UNC13A: variants seen among roughly 807,000 people sequenced by gnomAD.
The protein encoded by UNC13A is protein unc-13 homolog A.
Under a neutral mutation model 219.7 loss-of-function variants are expected in UNC13A, and 61 were observed. That is an observed-to-expected ratio of 0.28 (90% CI 0.23 to 0.34). The LOEUF (loss-of-function observed/expected upper bound fraction) is 0.34, where lower values mean the gene tolerates loss of function less well. Among genes scored for constraint, UNC13A ranks in the 10% least tolerant of loss-of-function variants. The pLI is 1.00. For synonymous variants in UNC13A, 920 were observed against 884.6 expected, an observed-to-expected ratio of 1.04 and a Z score of -0.71; for missense variants, 1,476 against 2,270.3, an observed-to-expected ratio of 0.65 and a Z score of 7.11.
At chr19:17,672,326 G>T in intron 4 of UNC13A, 52 bp downstream of exon 4, 1 of 1,448,946 alleles carries the variant, frequency 6.9e-7, no homozygotes, top group Non-Finnish European at 9.6e-7. Flanking sequence ...CTGGTCTCTG[G>T]GCTTCTGCAA....
chr19:17,627,481 C>A lies in UNC13A; in HGVS notation c.3920+28G>T. On this transcript the variant is annotated intron_variant, in intron 33 of 43. Transcript: ENST00000519716. The surrounding 1 kb of genome is among the most constrained non-coding windows in gnomAD (Gnocchi z 4.7). ...AGGGCTGAAGGCTGTTCCCTCCCCA[C>A]TGCCCCCAGCCCTGGAGATGCTCCC... The A allele has an allele frequency of 1.3e-6, 2 of 1,538,438 alleles. No individual in the cohort carries two copies. Among genetic ancestry groups the A allele is most frequent in the Non-Finnish European group, 1.8e-6 (2 of 1,134,596 alleles).
At chr19:17,680,676 C>T in intron 1 of UNC13A, among the ~76,000 whole-genome samples, 1 of 151,802 alleles carries the variant, frequency 6.6e-6, no homozygotes, top group East Asian at 1.9e-4. Flanking sequence ...CTTTCTCCTC[C>T]TCTTCTTCCC....
At chr19:17,659,033 G>A (rs898080475) in intron 8 of UNC13A, among the ~76,000 whole-genome samples, 1 of 151,280 alleles carries the variant, frequency 6.6e-6, no homozygotes, top group African/African-American at 2.4e-5. Context: ...GGCATAATTG[G>A]GGATTGTACA....
chr19:17,639,567 G>A (rs370588144), intron 23 of UNC13A, 42 bp from the exon 24 acceptor site: 51 of 1,592,304 alleles, frequency 3.2e-5, no homozygotes, highest in South Asian at 4.5e-5. Flanking sequence ...GGAAGAAGGC[G>A]TGGGGAGGAT....
chr19:17,687,743 C>A (rs1053208253), intron 1 of UNC13A, among the ~76,000 whole-genome samples: 1 of 152,104 alleles, frequency 6.6e-6, no homozygotes, highest in African/African-American at 2.4e-5. Context: ...CAGCCGGGTC[C>A]GCGTCCATGA....
chr19:17,618,646 T>C, intron 39 of UNC13A, 145 bp from the exon 40 acceptor site: 1 of 853,360 alleles, frequency 1.2e-6, no homozygotes, highest in African/African-American at 1.7e-5. Flanking sequence ...ATGTGACTGG[T>C]ACACAGCAGG....
intron 21 of UNC13A, 147 bp downstream of exon 21, chr19:17,641,246 T>C (rs1039530749): frequency 1.9e-5 from 19 of 992,634 alleles, no homozygotes; most frequent in Middle Eastern, 2.8e-4. Context: ...AGCGCTCTCC[T>C]GATCTCCAGG....
chr19:17,623,993 C>T (rs1274035407), intron 35 of UNC13A, among the ~76,000 whole-genome samples: 2 of 152,100 alleles, frequency 1.3e-5, no homozygotes, highest in Non-Finnish European at 1.5e-5. Context: ...CCTCCATGAC[C>T]TCTGGCTGAC....
Position 17,669,719 on chromosome 19 carries a change from G to C in UNC13A, c.271-43C>G, listed in dbSNP as rs2079741560. On this transcript the variant is annotated intron_variant, in intron 4 of 43. Coordinates refer to ENST00000519716, the MANE Select transcript of UNC13A (RefSeq NM_001080421.3). ...AGGTGTGTGGGTCAGGAATCTGCTG[G>C]TCACTAGTCCCCAGGGCCCCTACTC... is the stretch of plus-strand genomic sequence containing the variant. 5 of 1,571,896 alleles carry C rather than the reference G, an allele frequency of 3.2e-6. No homozygotes were observed. In the South Asian group the frequency reaches 5.8e-5, roughly 18 times the overall value.
At chr19:17,642,990 G>T in intron 19 of UNC13A, 30 bp from the exon 20 acceptor site, 1 of 1,568,186 alleles carries the variant, frequency 6.4e-7, no homozygotes, top group South Asian at 1.2e-5. Context: ...GACAGTGTCA[G>T]AACTTCCCAC....
In UNC13A at chr19:17,602,491, T is replaced by G. The variant is rs529362714; in HGVS notation, c.*3563A>C. 2.1e-4 allele frequency: 32 copies of G among 152,340 alleles called. No homozygotes were observed. The highest frequency in any genetic ancestry group is 1.8e-3 in the Admixed American group (28 of 15,280). 9.4% of individuals were successfully genotyped at this position (152,340 alleles called of 1,614,324 possible). A position where few individuals can be genotyped will look rare whatever the true frequency, so the allele number is the denominator to read the frequency against. Reference sequence around the variant, plus strand: ...GCTGTTTCCCCGATTCATGGAAATGTGGGGCCAGCTCCTTGCATAAAGCGA... The same window carrying G: ...GCTGTTTCCCCGATTCATGGAAATGGGGGGCCAGCTCCTTGCATAAAGCGA... On this transcript the variant is annotated 3_prime_UTR_variant, in exon 44 of 44. Transcript: ENST00000519716.
At chr19:17,653,119 A>G (rs1047563149) in intron 11 of UNC13A, among the ~76,000 whole-genome samples, 34 of 152,156 alleles carry the variant, frequency 2.2e-4, no homozygotes, top group African/African-American at 7.7e-4. Flanking sequence ...TAAAGGGTTA[A>G]CATGGGGGGA....
Position 17,618,454 on chromosome 19 carries a change from G to A in UNC13A, c.4377C>T (p.Cys1459=), listed in dbSNP as rs757962036. The change falls in exon 40 of 44, where the codon TGC becomes TGT. Residue 1459 remains cysteine (C), a synonymous_variant. Coordinates refer to ENST00000519716, the MANE Select transcript of UNC13A (RefSeq NM_001080421.3). ...TGTCCAGGGCCAACTCAACAACCGC[G>A]CACTGCTTTGGGGTCAAGCTCTTGG... ...EEAKSLTPKQ[C]AVVELALDTI... is the part of the protein sequence containing the mutation. The A allele has an allele frequency of 6.0e-5, 95 of 1,591,898 alleles. No homozygotes were observed. The highest frequency in any genetic ancestry group is 1.7e-4 in the South Asian group (15 of 87,892).
chr19:17,606,326 A>C lies in UNC13A; in HGVS notation c.4840T>G (p.Cys1614Gly). The C allele has an allele frequency of 6.5e-7, 1 of 1,548,002 alleles. No individual in the cohort carries two copies. Among genetic ancestry groups the C allele is most frequent in the Non-Finnish European group, 8.7e-7 (1 of 1,147,566 alleles). The change falls in exon 44 of 44, where the codon TGC (cysteine) becomes GGC (glycine). Residue 1614 changes from cysteine (C) to glycine (G), a missense_variant. Cys to Gly is a radical substitution (Grantham distance 159). Around this residue, in one of 14 missense-constraint regions of UNC13A, gnomAD observed 187 missense variants for 172.3 expected, o/e 1.09. Transcript: ENST00000519716. Reference protein sequence around the residue: ...FTLSADAGPECYELQVCVKDY... With the variant: ...FTLSADAGPEGYELQVCVKDY... ...TTGACGCACACCTGCAGCTCATAGC[A>C]CTCGGGACCCGCGTCGGCGCTCAGC... is the stretch of plus-strand genomic sequence containing the variant.
At chr19:17,683,525 G>A (rs2080056096) in intron 1 of UNC13A, among the ~76,000 whole-genome samples, 1 of 151,892 alleles carries the variant, frequency 6.6e-6, no homozygotes, top group Non-Finnish European at 1.5e-5. Flanking sequence ...AGGTGTGGTA[G>A]CACGTGCCTG....
At chr19:17,642,223 C>T (rs1260811851) in intron 20 of UNC13A, among the ~76,000 whole-genome samples, 2 of 152,148 alleles carry the variant, frequency 1.3e-5, no homozygotes, top group Admixed American at 1.3e-4. Context: ...TATCTATCCA[C>T]TCATCAAGTT....
chr19:17,612,950 C>A (rs1384489146), intron 41 of UNC13A, among the ~76,000 whole-genome samples: 1 of 152,112 alleles, frequency 6.6e-6, no homozygotes, highest in Non-Finnish European at 1.5e-5. Context: ...CCTGTAACCC[C>A]AGTACTTTGG....
intron 29 of UNC13A, 74 bp from the exon 30 acceptor site, chr19:17,630,362 C>A: frequency 3.3e-6 from 5 of 1,529,422 alleles, no homozygotes; most frequent in Non-Finnish European, 4.4e-6. Context: ...CTCTCCCACT[C>A]TCCACGGGGA....
intron 1 of UNC13A, chr19:17,676,254 G>C: frequency 6.0e-6 from 4 of 669,114 alleles, no homozygotes; most frequent in Non-Finnish European, 5.5e-6. Flanking sequence ...AGGAGGAGAG[G>C]TAGGAAAGAG....
Sources: gnomAD v4.1 joint callset for allele counts (sites outside exome capture counted in the v4.1 genomes callset) on GRCh38, gnomAD v4.1.1 for gene constraint, gnomAD v4.1.1 regional missense constraint, Gnocchi (gnomAD v3.1) non-coding constraint, MANE v1.5 for transcripts, NCBI Gene and HGNC (gene_info 2026-07-23, HGNC 2026-07-21) for gene names.